FRAS1: variants seen among roughly 807,000 people sequenced by gnomAD.
The protein encoded by FRAS1 is Fraser extracellular matrix complex subunit 1, also known as extracellular matrix organizing protein FRAS1.
Under a neutral mutation model 435.2 loss-of-function variants are expected in FRAS1, and 290 were observed. The ratio of observed to expected loss-of-function variants is 0.67; its 90% CI spans 0.61 to 0.73. FRAS1 has a LOEUF of 0.73. FRAS1 is among the 30% of genes least tolerant of loss of function. FRAS1 has a pLI of 0.00. For missense variants in FRAS1, 4,860 were observed against 5,001.5 expected, an observed-to-expected ratio of 0.97 and a Z score of 0.85; for synonymous variants, 1,800 against 1,851.0, an observed-to-expected ratio of 0.97 and a Z score of 0.71.
intron 47 of FRAS1, among the ~76,000 whole-genome samples, chr4:78,462,472 TA>T (rs1254907383): frequency 6.6e-6 from 1 of 152,164 alleles, no homozygotes; most frequent in Non-Finnish European, 1.5e-5. Flanking sequence ...AAAAAATGTT[TA>T]AAAAAATCAA....
chr4:78,258,339 CAAA>C (rs33932507), intron 6 of FRAS1, among the ~76,000 whole-genome samples: 95 of 139,924 alleles, frequency 6.8e-4, no homozygotes, highest in Admixed American at 1.1e-3. Context: ...AGACCTGTAT[CAAA>C]AAAAAAAAAA....
chr4:78,064,548 A>G (rs1005941547), intron 1 of FRAS1, among the ~76,000 whole-genome samples: 1 of 151,978 alleles, frequency 6.6e-6, no homozygotes, highest in Non-Finnish European at 1.5e-5. Flanking sequence ...GTACTTAGCT[A>G]ATGTGATGCC....
intron 9 of FRAS1, among the ~76,000 whole-genome samples, chr4:78,273,695 G>A (rs980305946): frequency 6.6e-6 from 1 of 152,186 alleles, no homozygotes; most frequent in Non-Finnish European, 1.5e-5. Flanking sequence ...GCTTTTTGAT[G>A]TGCTGCTGGA....
At chr4:78,501,714 C>G (rs771887580) in intron 61 of FRAS1, among the ~76,000 whole-genome samples, 3 of 151,976 alleles carry the variant, frequency 2.0e-5, no homozygotes, top group South Asian at 2.1e-4. Context: ...CTCTGATGAC[C>G]GATGGAATTA....
chr4:78,117,570 T>G (rs1000650804), intron 2 of FRAS1, among the ~76,000 whole-genome samples: 3 of 152,234 alleles, frequency 2.0e-5, no homozygotes, highest in Non-Finnish European at 4.4e-5. Flanking sequence ...TCTCGCTTCA[T>G]TTCATTCATT....
chr4:78,257,108 A>G (rs1725832614), intron 6 of FRAS1, among the ~76,000 whole-genome samples: 1 of 152,156 alleles, frequency 6.6e-6, no homozygotes, highest in African/African-American at 2.4e-5. Context: ...ACAGTCCTAC[A>G]GAGTAGGAGC....
intron 25 of FRAS1, among the ~76,000 whole-genome samples, chr4:78,374,792 T>A (rs117110889): frequency 6.6e-6 from 1 of 152,312 alleles, no homozygotes; most frequent in East Asian, 1.9e-4. Flanking sequence ...ACTTGGTTCG[T>A]ATGCCCCACT....
chr4:78,275,553 T>G (rs1030584625), intron 9 of FRAS1, among the ~76,000 whole-genome samples: 1 of 152,204 alleles, frequency 6.6e-6, no homozygotes, highest in African/African-American at 2.4e-5. Context: ...CTAAAGGATT[T>G]TATTTCTCCT....
chr4:78,212,383 C>A (rs932469833), intron 2 of FRAS1, among the ~76,000 whole-genome samples: 2 of 151,952 alleles, frequency 1.3e-5, no homozygotes, highest in Non-Finnish European at 2.9e-5. Flanking sequence ...ATGCATGTAC[C>A]CCCAAAACCA....
chr4:78,342,624 C>T (rs1000522371), intron 20 of FRAS1, among the ~76,000 whole-genome samples: 1 of 152,156 alleles, frequency 6.6e-6, no homozygotes, highest in African/African-American at 2.4e-5. Flanking sequence ...CTGCATTTCT[C>T]TTTCTCAGCT....
chr4:78,335,354 C>T (rs1054555173), intron 19 of FRAS1, among the ~76,000 whole-genome samples: 3 of 152,166 alleles, frequency 2.0e-5, no homozygotes, highest in African/African-American at 7.2e-5. Flanking sequence ...ATTGTACTTC[C>T]TCATGGCATG....
intron 23 of FRAS1, among the ~76,000 whole-genome samples, chr4:78,372,378 C>T (rs1231751647): frequency 6.6e-6 from 1 of 152,128 alleles, no homozygotes; most frequent in East Asian, 1.9e-4. Flanking sequence ...TTGGCCACTC[C>T]CTGCGGCAGG....
chr4:78,539,574 T>G (rs1013414410), intron 73 of FRAS1, 134 bp downstream of exon 73: 1 of 920,182 alleles, frequency 1.1e-6, no homozygotes, highest in African/African-American at 1.7e-5. Flanking sequence ...AGATCTTTTC[T>G]TATTGTTAAG....
chr4:78,193,365 G>A (rs1475969642), intron 2 of FRAS1, among the ~76,000 whole-genome samples: 2 of 152,196 alleles, frequency 1.3e-5, no homozygotes, highest in Non-Finnish European at 2.9e-5. Context: ...AATGTTGACA[G>A]TGGGGTGTTA....
rs148209778 is a variant in FRAS1 at position 78,478,755 on chromosome 4, T to G, written c.8099-619T>G. ...CTTGAATCTGCTGACTGGGTATTAGTGTAACAAATACTGTAGATAGCAAAA... is the reference window on the plus strand; with the variant it reads ...CTTGAATCTGCTGACTGGGTATTAGGGTAACAAATACTGTAGATAGCAAAA... On this transcript the variant is annotated intron_variant, in intron 55 of 73. Coordinates refer to ENST00000512123, the MANE Select transcript of FRAS1 (RefSeq NM_025074.7). Among the ~76,000 whole-genome samples, 94 of 152,288 alleles carry G rather than the reference T, an allele frequency of 6.2e-4. 1 individual carries two copies. In the Middle Eastern group the frequency reaches 0.024, roughly 39 times the overall value.
chr4:78,355,001 A>G (rs1358683613), intron 20 of FRAS1, among the ~76,000 whole-genome samples: 1 of 152,196 alleles, frequency 6.6e-6, no homozygotes, highest in Non-Finnish European at 1.5e-5. Context: ...TGATGACCAC[A>G]TGCAATTTCC....
At chr4:78,308,530 C>T (rs1212426428) in intron 15 of FRAS1, among the ~76,000 whole-genome samples, 1 of 152,198 alleles carries the variant, frequency 6.6e-6, no homozygotes, top group African/African-American at 2.4e-5. Context: ...CTTTCCTTTC[C>T]CCAGATCCCA....
chr4:78,400,853 C>A lies in FRAS1; in HGVS notation c.4095C>A (p.Ile1365=). ...CTCCTGGTGCCAGTGCTGAAGAAAT[C>A]ATCTACAAGATTACACAAGACTACC... ...AEAPGASAEE[I]IYKITQDYPQ... The change falls in exon 30 of 74, where the codon ATC becomes ATA. Residue 1365 remains isoleucine (I), a synonymous_variant. Coordinates refer to ENST00000512123, the MANE Select transcript of FRAS1 (RefSeq NM_025074.7). 1 of 1,613,696 alleles carries A rather than the reference C, an allele frequency of 6.2e-7. No homozygotes were observed. Among genetic ancestry groups the A allele is most frequent in the Non-Finnish European group, 8.5e-7 (1 of 1,179,748 alleles).
Position 78,087,432 on chromosome 4 carries a change from T to A in FRAS1, c.108+21416T>A, listed in dbSNP as rs868123346. ...GTTGGAAGTTCTGGCCAGGGCAATCTGGCAGGAGAAGGAAATAAAGGGTAT... is the reference window on the plus strand; with the variant it reads ...GTTGGAAGTTCTGGCCAGGGCAATCAGGCAGGAGAAGGAAATAAAGGGTAT... On this transcript the variant is annotated intron_variant, in intron 2 of 73. Transcript: ENST00000512123. 8.9e-4 allele frequency among the ~76,000 whole-genome samples: 135 copies of A among 151,980 alleles called. 1 individual carries two copies. Among genetic ancestry groups the A allele is most frequent in the African/African-American group, 3.0e-3 (126 of 41,476 alleles).
Sources: allele counts gnomAD v4.1 joint callset (sites outside exome capture counted in the v4.1 genomes callset), GRCh38; gene constraint gnomAD v4.1.1; transcripts MANE v1.5; gene names NCBI Gene and HGNC (gene_info 2026-07-23, HGNC 2026-07-21).